Variants in OR3A2 observed in about 807,000 individuals in gnomAD.
OR3A2 encodes olfactory receptor family 3 subfamily A member 2.
For synonymous variants in OR3A2, 126 were observed against 159.3 expected (o/e 0.79, Z 1.57); for missense variants, 318 against 392.8 (o/e 0.81, Z 1.61).
chr17:3,379,052 A>G (rs1189306244), intron 2 of OR3A2, among the ~76,000 whole-genome samples: 6 of 152,120 alleles, frequency 3.9e-5, no homozygotes, highest in Non-Finnish European at 7.4e-5. Context: ...CACTCATTCC[A>G]CAACTTCTCT....
intron 2 of OR3A2, among the ~76,000 whole-genome samples, chr17:3,363,352 G>A (rs1345553923): frequency 6.6e-6 from 1 of 151,744 alleles, no homozygotes. Flanking sequence ...TCTGTCTCAA[G>A]TTCAAAGTTC....
At chr17:3,357,733 T>G (rs1242515517) in intron 2 of OR3A2, among the ~76,000 whole-genome samples, 1 of 151,520 alleles carries the variant, frequency 6.6e-6, no homozygotes, top group African/African-American at 2.4e-5. Flanking sequence ...ATTTTTTTTA[T>G]AGAGAGACAG....
chr17:3,292,226 G>A lies in OR3A2; in HGVS notation c.-84-13073C>T, dbSNP rs144174017. 6.9e-5 allele frequency: 111 copies of A among 1,614,132 alleles called. 1 individual carries two copies. Among genetic ancestry groups the A allele is most frequent in the African/African-American group, 2.0e-4 (15 of 75,044 alleles). On this transcript the variant is annotated intron_variant, in intron 3 of 4. Transcript: ENST00000573491. Reference sequence around the variant, plus strand: ...CCAGGAATCGGTCATAGGCCATGGCGGTCAGCAGGAAGCAGTCCACTCCAA... The same window carrying A: ...CCAGGAATCGGTCATAGGCCATGGCAGTCAGCAGGAAGCAGTCCACTCCAA...
chr17:3,334,299 C>T (rs898337008), intron 3 of OR3A2, among the ~76,000 whole-genome samples: 2 of 152,178 alleles, frequency 1.3e-5, no homozygotes, highest in Admixed American at 6.5e-5. Flanking sequence ...TCATCCCCTG[C>T]CTTCCACCTA....
intron 3 of OR3A2, among the ~76,000 whole-genome samples, chr17:3,316,907 T>C (rs2049086009): frequency 6.6e-6 from 1 of 152,216 alleles, no homozygotes; most frequent in African/African-American, 2.4e-5. Context: ...GTCTCTGCTA[T>C]TTTTAGCCTA....
chr17:3,359,706 T>G (rs1037317715), intron 2 of OR3A2, among the ~76,000 whole-genome samples: 1 of 151,610 alleles, frequency 6.6e-6, no homozygotes, highest in Non-Finnish European at 1.5e-5. Context: ...TTGCTGAGAA[T>G]GATGGTTTCC....
chr17:3,337,572 G>C (rs534154798), intron 2 of OR3A2, among the ~76,000 whole-genome samples: 6 of 152,212 alleles, frequency 3.9e-5, no homozygotes, highest in Middle Eastern at 3.4e-3. Context: ...ACGGTTTCCA[G>C]CTTCATCCAT....
chr17:3,306,679 C>CAA (rs71153340), intron 3 of OR3A2, among the ~76,000 whole-genome samples: 20 of 109,298 alleles, frequency 1.8e-4, no homozygotes, highest in Non-Finnish European at 2.4e-4. Context: ...TACTACTCTT[C>CAA]AAAAAAAAAA....
intron 1 of OR3A2, among the ~76,000 whole-genome samples, chr17:3,384,168 T>C (rs1005463586): frequency 3.3e-5 from 5 of 152,150 alleles, no homozygotes; most frequent in East Asian, 3.9e-4. Flanking sequence ...TGGCAAAGGG[T>C]AGGTGTGCTA....
intron 3 of OR3A2, chr17:3,298,248 G>A (rs1170516223): frequency 6.6e-6 from 1 of 152,126 alleles, no homozygotes; most frequent in Non-Finnish European, 1.5e-5. Flanking sequence ...GTCTTACACA[G>A]GATCACAGTG....
intron 3 of OR3A2, chr17:3,310,221 C>A: frequency 2.2e-6 from 1 of 453,556 alleles, no homozygotes; most frequent in Non-Finnish European, 4.5e-6. Flanking sequence ...ATCAAGATCT[C>A]ATTGATGATT....
At chr17:3,377,392 G>T (rs1036878166) in intron 2 of OR3A2, 2 of 152,126 alleles carry the variant, frequency 1.3e-5, no homozygotes, top group African/African-American at 4.8e-5. Context: ...TCAATAAAGG[G>T]TAGCTGCTAT....
intron 2 of OR3A2, among the ~76,000 whole-genome samples, chr17:3,341,656 T>G (rs1187366583): frequency 2.6e-5 from 4 of 152,220 alleles, no homozygotes; most frequent in Non-Finnish European, 5.9e-5. Context: ...TGGGCTTCCC[T>G]TTGTGGGTAA....
At chr17:3,333,531 G>A (rs982471884) in intron 3 of OR3A2, among the ~76,000 whole-genome samples, 4 of 152,138 alleles carry the variant, frequency 2.6e-5, no homozygotes, top group African/African-American at 9.7e-5. Context: ...TGGTTTTGCA[G>A]CTCAGGTGGA....
chr17:3,362,827 C>A (rs561795284), intron 2 of OR3A2, among the ~76,000 whole-genome samples: 1 of 151,860 alleles, frequency 6.6e-6, no homozygotes, highest in South Asian at 2.1e-4. Context: ...GCAGAGGTTC[C>A]CAAACCTCAA....
chr17:3,367,156 T>C (rs191790459), intron 2 of OR3A2, among the ~76,000 whole-genome samples: 1 of 152,332 alleles, frequency 6.6e-6, no homozygotes, highest in Admixed American at 6.5e-5. Context: ...TCAGACTTGA[T>C]CTGGATCTTC....
chr17:3,380,935 C>A (rs1367018843), intron 2 of OR3A2, among the ~76,000 whole-genome samples: 1 of 152,142 alleles, frequency 6.6e-6, no homozygotes, highest in Non-Finnish European at 1.5e-5. Context: ...CACGTGTGTG[C>A]CTCAGTGTGT....
chr17:3,362,559 C>A (rs2049527777), intron 2 of OR3A2, among the ~76,000 whole-genome samples: 1 of 151,596 alleles, frequency 6.6e-6, no homozygotes, highest in Non-Finnish European at 1.5e-5. Flanking sequence ...GCATTTAGTG[C>A]TATAAATTTC....
intron 3 of OR3A2, chr17:3,291,524 T>C: frequency 1.3e-6 from 1 of 777,434 alleles, no homozygotes; most frequent in South Asian, 2.0e-5. Flanking sequence ...AAAGTCCTTC[T>C]TATGCCCATG....
Sources: gnomAD v4.1 joint callset for allele counts (sites outside exome capture counted in the v4.1 genomes callset) on GRCh38, gnomAD v4.1.1 for gene constraint, MANE v1.5 for transcripts, NCBI Gene and HGNC (gene_info 2026-07-23, HGNC 2026-07-21) for gene names.